Variants in DHRS4 observed in about 807,000 individuals in gnomAD.
DHRS4 encodes dehydrogenase/reductase 4.
In DHRS4, 20 loss-of-function variants were observed where a neutral mutation model predicts 28.4. That is an observed-to-expected ratio of 0.71 (90% confidence interval 0.50 to 1.02). DHRS4 has a LOEUF of 1.02. Among genes scored for constraint, DHRS4 ranks in the 50% least tolerant of loss-of-function variants. The probability of loss-of-function intolerance (pLI) is 0.00; values close to 1 mark genes in which losing one functional copy is unlikely to be tolerated. For synonymous variants in DHRS4, 144 were observed against 146.4 expected (o/e 0.98, Z 0.12); for missense variants, 378 against 367.2 (o/e 1.03, Z -0.24).
intron 2 of DHRS4, among the ~76,000 whole-genome samples, chr14:23,959,575 C>T (rs550108378): frequency 2.6e-5 from 4 of 151,600 alleles, no homozygotes; most frequent in African/African-American, 9.7e-5. Flanking sequence ...AAGAAGCCAA[C>T]CTTAAATGGT....
chr14:23,965,874 C>T (rs1311404625), intron 4 of DHRS4, 42 bp downstream of exon 4: 3 of 1,606,716 alleles, frequency 1.9e-6, no homozygotes, highest in Admixed American at 3.4e-5. Context: ...GGGGACACCA[C>T]ACGGGCTGAG....
At chr14:23,963,204 C>T (rs1212666829) in intron 3 of DHRS4, among the ~76,000 whole-genome samples, 1 of 109,904 alleles carries the variant, frequency 9.1e-6, no homozygotes, top group Non-Finnish European at 1.7e-5. Context: ...AACTTAAAGT[C>T]ACTGGCTGCA....
chr14:23,961,118 G>A (rs1401965656), intron 3 of DHRS4, among the ~76,000 whole-genome samples: 1 of 151,622 alleles, frequency 6.6e-6, no homozygotes, highest in Non-Finnish European at 1.5e-5. Context: ...GAACACTGGT[G>A]ATCACATTTC....
rs1305638478 is a variant in DHRS4, at chr14:23,968,798, T to C, written c.764T>C (p.Leu255Pro). ...PEDCAGIVSF[L>P]CSEDASYITG... Reference sequence around the variant, plus strand: ...GATTGTGCTGGCATCGTGTCTTTCCTGTGCTCTGAAGATGCCAGCTACATC... The same window carrying C: ...GATTGTGCTGGCATCGTGTCTTTCCCGTGCTCTGAAGATGCCAGCTACATC... Residue 255 changes from leucine (L) to proline (P), a missense_variant, in exon 8 of 8, where the codon CTG becomes CCG. Leu to Pro is a moderately conservative substitution (Grantham distance 98). Coordinates refer to ENST00000313250, the MANE Select transcript of DHRS4 (RefSeq NM_021004.4). 1.9e-5 allele frequency: 31 copies of C among 1,609,694 alleles called. No individual in the cohort carries two copies. In the Admixed American group the frequency reaches 5.0e-4, roughly 26 times the overall value.
At chr14:23,967,118 C>A (rs1175945749) in intron 6 of DHRS4, 93 bp from the exon 7 acceptor site, 36 of 1,502,108 alleles carry the variant, frequency 2.4e-5, no homozygotes, top group Non-Finnish European at 2.0e-5. Flanking sequence ...AGCGCCACTA[C>A]AGTCCGGCCT....
chr14:23,960,227 C>T (rs949806120), intron 3 of DHRS4, among the ~76,000 whole-genome samples: 8 of 152,034 alleles, frequency 5.3e-5, no homozygotes, highest in African/African-American at 1.9e-4. Context: ...CTGCTTCTAT[C>T]TGCTCTTCAC....
intron 7 of DHRS4, among the ~76,000 whole-genome samples, chr14:23,968,377 A>G (rs1165430590): frequency 6.6e-6 from 1 of 150,720 alleles, no homozygotes; most frequent in Non-Finnish European, 1.5e-5. Context: ...CATTTTAAAC[A>G]CACCATTTAC....
At chr14:23,963,660 C>A (rs2033502168) in intron 3 of DHRS4, among the ~76,000 whole-genome samples, 2 of 147,440 alleles carry the variant, frequency 1.4e-5, no homozygotes, top group Admixed American at 6.8e-5. Flanking sequence ...ACCTCTTTTG[C>A]TTTCTTATCA....
chr14:23,964,935 G>T (rs1476905420), intron 3 of DHRS4, among the ~76,000 whole-genome samples: 2 of 144,192 alleles, frequency 1.4e-5, no homozygotes, highest in African/African-American at 2.5e-5. Context: ...TGTAATTTTT[G>T]ATTTTATTAT....
At position 23,966,927 on chromosome 14, in the gene DHRS4, G is replaced by A. The variant is rs1312677117; in HGVS notation, c.667-284G>A. Among the ~76,000 whole-genome samples the A allele has an allele frequency of 4.6e-5, 7 of 152,336 alleles. No individual in the cohort carries two copies. The East Asian group carries it at 5.8e-4, about 13-fold the overall frequency. ...TCCCAGCACATTGGGAGGCCGAGGC[G>A]GGCAGATCACGAGGTCAGGAGGTCG... On this transcript the variant is annotated intron_variant, in intron 6 of 7. Transcript: ENST00000313250.
intron 3 of DHRS4, among the ~76,000 whole-genome samples, chr14:23,960,264 G>A (rs1170325154): frequency 6.6e-6 from 1 of 151,950 alleles, no homozygotes; most frequent in Non-Finnish European, 1.5e-5. Flanking sequence ...CTCTCCCCAG[G>A]CTTTTTCCCT....
chr14:23,965,688 C>G, intron 3 of DHRS4, 74 bp from the exon 4 acceptor site: 1 of 1,275,332 alleles, frequency 7.8e-7, no homozygotes, highest in South Asian at 1.3e-5. Flanking sequence ...GGAACCCACT[C>G]TAACTCCTCA....
Position 23,966,413 on chromosome 14 carries a change from G to T in DHRS4, c.662G>T (p.Arg221Met). 2 of 1,613,692 alleles carry T rather than the reference G, an allele frequency of 1.2e-6. No individual in the cohort carries two copies. The highest frequency in any genetic ancestry group is 1.7e-6 in the Non-Finnish European group (2 of 1,179,912). Residue 221 changes from arginine (R) to methionine (M), a missense_variant, in exon 6 of 8, where the codon AGG becomes ATG. Coordinates refer to ENST00000313250, the MANE Select transcript of DHRS4 (RefSeq NM_021004.4). The part of the protein sequence containing the change: ...APGLIKTSFS[R>M]MLWMDKEKEE... ...GGACTTATCAAGACTAGCTTCAGCA[G>T]GATGGTGAGGAAGGGGAGCTTTGCA...
chr14:23,960,729 C>A (rs537550551), intron 3 of DHRS4, among the ~76,000 whole-genome samples: 89 of 152,130 alleles, frequency 5.9e-4, no homozygotes, highest in Non-Finnish European at 1.2e-3. Context: ...TTTTTATGAT[C>A]TCCCATGGTT....
rs370437141 is a variant in DHRS4, at chr14:23,959,897, T to A, written c.307-5T>A. 34 of 1,613,296 alleles carry A rather than the reference T, an allele frequency of 2.1e-5. No homozygotes were observed. Among genetic ancestry groups the A allele is most frequent in the Non-Finnish European group, 2.9e-5 (34 of 1,179,828 alleles). On this transcript the variant is annotated splice_polypyrimidine_tract_variant and splice_region_variant and intron_variant, in intron 2 of 7. Transcript: ENST00000313250. ...CCCTGGTCCAGAACTTACCCCTCTCTCTAGGCTGTGAAGCTTCATGGAGGT... is the reference window on the plus strand; with the variant it reads ...CCCTGGTCCAGAACTTACCCCTCTCACTAGGCTGTGAAGCTTCATGGAGGT...
chr14:23,956,773 T>A, intron 2 of DHRS4, among the ~76,000 whole-genome samples: 1 of 151,996 alleles, frequency 6.6e-6, no homozygotes, highest in East Asian at 1.9e-4. Flanking sequence ...CCAGCTAATT[T>A]TTGTATTTTT....
At chr14:23,966,881 T>TG (rs1269209887) in intron 6 of DHRS4, among the ~76,000 whole-genome samples, 1 of 152,248 alleles carries the variant, frequency 6.6e-6, no homozygotes, top group Non-Finnish European at 1.5e-5. Flanking sequence ...GATTTCTGGG[T>TG]GGGGTGGCTC....
intron 2 of DHRS4, among the ~76,000 whole-genome samples, chr14:23,959,429 G>A (rs771274281): frequency 3.9e-5 from 6 of 152,170 alleles, no homozygotes; most frequent in Admixed American, 2.6e-4. Context: ...GTGGTGGCAC[G>A]CACTTGTAGT....
At chr14:23,960,913 G>T (rs1253168616) in intron 3 of DHRS4, among the ~76,000 whole-genome samples, 1 of 151,016 alleles carries the variant, frequency 6.6e-6, no homozygotes, top group Non-Finnish European at 1.5e-5. Context: ...TTACAATCAT[G>T]GCAGAAGGAA....
Sources: allele counts gnomAD v4.1 joint callset (sites outside exome capture counted in the v4.1 genomes callset), GRCh38; gene constraint gnomAD v4.1.1; transcripts MANE v1.5; gene names NCBI Gene and HGNC (gene_info 2026-07-23, HGNC 2026-07-21).